NEURL4: variants seen among roughly 807,000 people sequenced by gnomAD.
The protein encoded by NEURL4 is neuralized E3 ubiquitin protein ligase 4.
A neutral mutation model predicts 148.0 loss-of-function variants in NEURL4; 45 were observed. The ratio of observed to expected loss-of-function variants is 0.30; its 90% confidence interval spans 0.24 to 0.39. The LOEUF (loss-of-function observed/expected upper bound fraction) is 0.39, where lower values mean the gene tolerates loss of function less well. Ranked by LOEUF, NEURL4 falls within the 10% of genes least tolerant of loss-of-function variation. The pLI is 1.00. For missense variants in NEURL4, 1,776 were observed against 2,144.0 expected, an observed-to-expected ratio of 0.83 and a Z score of 3.39; for synonymous variants, 854 against 869.0, an observed-to-expected ratio of 0.98 and a Z score of 0.30.
Position 7,322,852 on chromosome 17 carries a change from C to G in NEURL4, c.2608G>C (p.Val870Leu), listed in dbSNP as rs752645820. The G allele has an allele frequency of 6.2e-7, 1 of 1,613,988 alleles. No homozygotes were observed. The highest frequency in any genetic ancestry group is 1.7e-5 in the Admixed American group (1 of 60,016). The part of the protein sequence containing the change: ...LPPGKEVYAV[V>L]DLYGQCVQVS... Reference sequence around the variant, plus strand: ...TGGACACACTGGCCATAGAGATCGACTACCGCATACACCTCTGGGGAGGAG... The same window carrying G: ...TGGACACACTGGCCATAGAGATCGAGTACCGCATACACCTCTGGGGAGGAG... Residue 870 changes from valine to leucine, a missense_variant, in exon 16 of 29, where the codon GTC (valine) becomes CTC (leucine). Transcript: ENST00000399464. The surrounding 1 kb of genome is among the most constrained non-coding windows in gnomAD (Gnocchi z 5.5).
intron 14 of NEURL4, 143 bp from the exon 15 acceptor site, chr17:7,323,266 TCCCTGGGATC>T: frequency 1.0e-6 from 1 of 988,482 alleles, no homozygotes; most frequent in Admixed American, 2.3e-5. Context: ...ATCTCCTCTG[TCCCTGGGATC>T]CCCTTAGGAA....
In NEURL4 at chr17:7,322,660, C is replaced by G; in HGVS notation, c.2725+75G>C. On this transcript the variant is annotated intron_variant, in intron 16 of 28. Coordinates refer to ENST00000399464, the MANE Select transcript of NEURL4 (RefSeq NM_032442.3). The surrounding 1 kb of genome is among the most constrained non-coding windows in gnomAD (Gnocchi z 5.5). ...AGCCAACCGTCTTTGCAGAACCTCTCTAACCTGGAAACCCTACTCCTCAGG... is the reference window on the plus strand; with the variant it reads ...AGCCAACCGTCTTTGCAGAACCTCTGTAACCTGGAAACCCTACTCCTCAGG... 1 of 1,566,334 alleles carries G rather than the reference C, an allele frequency of 6.4e-7. No homozygotes were observed. The highest frequency in any genetic ancestry group is 8.7e-7 in the Non-Finnish European group (1 of 1,155,660).
rs750746745 is a variant in NEURL4 at position 7,327,422 on chromosome 17, C to T, written c.727+18G>A. 6.5e-6 allele frequency: 10 copies of T among 1,541,744 alleles called. No individual in the cohort carries two copies. The highest frequency in any genetic ancestry group is 1.9e-5 in the Admixed American group (1 of 52,466). Reference sequence around the variant, plus strand: ...TTCCGTCCCCACCCCACCACCACTGCCCTAGCTGTGTTCTCACCTTCATCT... The same window carrying T: ...TTCCGTCCCCACCCCACCACCACTGTCCTAGCTGTGTTCTCACCTTCATCT... On this transcript the variant is annotated intron_variant, in intron 2 of 28. Coordinates refer to ENST00000399464, the MANE Select transcript of NEURL4 (RefSeq NM_032442.3). The surrounding 1 kb of genome is among the most constrained non-coding windows in gnomAD (Gnocchi z 6.6).
chr17:7,315,992 T>C lies in NEURL4; in HGVS notation c.*131A>G. On this transcript the variant is annotated 3_prime_UTR_variant, in exon 29 of 29. Transcript: ENST00000399464. ...ACCTACATCTGAGAGCCTGCCTACA[T>C]GCTCCTGCGCGGCTGCCAAGCTCCA... is the stretch of plus-strand genomic sequence containing the variant. 1.5e-6 allele frequency: 1 copy of C among 661,492 alleles called. No homozygotes were observed. The highest frequency in any genetic ancestry group is 2.6e-5 in the East Asian group (1 of 38,078). 41.0% of individuals were successfully genotyped at this position (661,492 alleles called of 1,614,324 possible). A position where few individuals can be genotyped will look rare whatever the true frequency, so the allele number is the denominator to read the frequency against.
chr17:7,317,521 A>G lies in NEURL4; in HGVS notation c.4258T>C (p.Tyr1420His). The change falls in exon 27 of 29, where the codon TAT becomes CAT. Residue 1420 changes from tyrosine (Y) to histidine (H), a missense_variant. By Grantham distance (83) the Tyr-to-His change is moderately conservative (BLOSUM62 2). Coordinates refer to ENST00000399464, the MANE Select transcript of NEURL4 (RefSeq NM_032442.3). ...ACAGCGGCAACATTGCTCCCGTGAT[A>G]TGCCATGTGCCACTTCTTGGTTAGT... ...GTLTKKWHMA[Y>H]HGSNVAAVRR... 6.2e-7 allele frequency: 1 copy of G among 1,614,140 alleles called. No homozygotes were observed. Among genetic ancestry groups the G allele is most frequent in the Non-Finnish European group, 8.5e-7 (1 of 1,180,024 alleles).
rs374281551 is a variant in NEURL4, at chr17:7,319,374, CTTTTTTTT to C, written c.3526-174_3526-167del. Among the ~76,000 whole-genome samples the C allele has an allele frequency of 2.1e-4, 24 of 113,930 alleles. No individual in the cohort carries two copies. The East Asian group carries it at 3.9e-3, about 18-fold the overall frequency. 74.7% of individuals were successfully genotyped at this position (113,930 alleles called of 152,430 possible). A position where few individuals can be genotyped will look rare whatever the true frequency, so the allele number is the denominator to read the frequency against. ...CGCTAATTTAGTTGTTTCTTTCCCT[CTTTTTTTT>C]TTTTTTTTTTTTTTTTTTTTTAAAA... On this transcript the variant is annotated intron_variant, in intron 21 of 28. Transcript: ENST00000399464.
chr17:7,324,259 C>T lies in NEURL4; in HGVS notation c.1911G>A (p.Thr637=), dbSNP rs1460370455. The stretch of plus-strand genomic sequence containing the variant: ...CGTCCTCCCGCCGTACCACGCCCAC[C>T]GTGTCCCCTGCCTTGGAAGAAGGGG... ...HNLDRLKAGD[T]VGVVRREDGT... The change falls in exon 11 of 29, where the codon ACG becomes ACA. Residue 637 remains threonine (T), a synonymous_variant. Transcript: ENST00000399464. This position sits in a 1 kb window ranked among gnomAD's most constrained non-coding sequence, Gnocchi z 5.9. 14 of 1,614,006 alleles carry T rather than the reference C, an allele frequency of 8.7e-6. No individual in the cohort carries two copies. The highest frequency in any genetic ancestry group is 3.3e-5 in the Admixed American group (2 of 60,028).
chr17:7,325,001 G>A, intron 8 of NEURL4, 21 bp from the exon 9 acceptor site: 3 of 1,613,150 alleles, frequency 1.9e-6, no homozygotes, highest in Non-Finnish European at 1.7e-6. Context: ...AGCAAGTGGA[G>A]AGTCAGATCC....
At position 7,322,692 on chromosome 17, in the gene NEURL4, G is replaced by C. The variant is rs1423701892; in HGVS notation, c.2725+43C>G. The stretch of plus-strand genomic sequence containing the variant: ...GGAAACCCTACTCCTCAGGTGCACA[G>C]CAGGCAAGCAGAGCCCGTCCAGCCC... On this transcript the variant is annotated intron_variant, in intron 16 of 28. Transcript: ENST00000399464. This position sits in a 1 kb window ranked among gnomAD's most constrained non-coding sequence, Gnocchi z 5.5. 1 of 1,597,634 alleles carries C rather than the reference G, an allele frequency of 6.3e-7. No individual in the cohort carries two copies. The highest frequency in any genetic ancestry group is 1.3e-5 in the African/African-American group (1 of 74,846).
chr17:7,326,186 C>A lies in NEURL4; in HGVS notation c.1293+69G>T. 1 of 1,447,154 alleles carries A rather than the reference C, an allele frequency of 6.9e-7. No homozygotes were observed. Among genetic ancestry groups the A allele is most frequent in the Non-Finnish European group, 9.6e-7 (1 of 1,041,020 alleles). 89.6% of individuals were successfully genotyped at this position (1,447,154 alleles called of 1,614,324 possible). ...GTCACATAGGAGACCCTGCTTGGTGCCCTGGCAGGGACACAGAGTACCTGT... is the reference window on the plus strand; with the variant it reads ...GTCACATAGGAGACCCTGCTTGGTGACCTGGCAGGGACACAGAGTACCTGT... On this transcript the variant is annotated intron_variant, in intron 6 of 28. Transcript: ENST00000399464. The surrounding 1 kb of genome is among the most constrained non-coding windows in gnomAD (Gnocchi z 6.0).
chr17:7,327,832 C>A lies in NEURL4; in HGVS notation c.335G>T (p.Ser112Ile). 2 of 1,613,736 alleles carry A rather than the reference C, an allele frequency of 1.2e-6. No homozygotes were observed. The highest frequency in any genetic ancestry group is 8.5e-7 in the Non-Finnish European group (1 of 1,179,976). ...GGCACTGCTTGGAAAGTCCAGCACA[C>A]TGGGGTCCAGCGCTGTCACCCCAAT... The part of the protein sequence containing the change: ...IEIGVTALDP[S>I]VLDFPSSATG... Residue 112 changes from serine (S) to isoleucine (I), a missense_variant, in exon 2 of 29, where the codon AGT becomes ATT. Physicochemically the swap from Ser to Ile is moderately radical, Grantham distance 142. Coordinates refer to ENST00000399464, the MANE Select transcript of NEURL4 (RefSeq NM_032442.3). The surrounding 1 kb of genome is among the most constrained non-coding windows in gnomAD (Gnocchi z 6.6).
At position 7,320,935 on chromosome 17, in the gene NEURL4, G is replaced by A. The variant is rs373489491; in HGVS notation, c.3361-12C>T. The stretch of plus-strand genomic sequence containing the variant: ...ACTTCATTCTGGCCCTGGTGTGGAG[G>A]AAGGGACTGAGCTGCATGGGTTGCC... On this transcript the variant is annotated splice_polypyrimidine_tract_variant and intron_variant, in intron 20 of 28. Transcript: ENST00000399464. 1.9e-6 allele frequency: 3 copies of A among 1,613,620 alleles called. No homozygotes were observed. The African/African-American group carries it at 4.0e-5, about 22-fold the overall frequency.
In NEURL4 at chr17:7,317,530, G is replaced by T. The variant is rs1254969232; in HGVS notation, c.4249C>A (p.His1417Asn). 1.2e-6 allele frequency: 2 copies of T among 1,614,168 alleles called. No individual in the cohort carries two copies. Among genetic ancestry groups the T allele is most frequent in the Non-Finnish European group, 1.7e-6 (2 of 1,180,020 alleles). The change falls in exon 27 of 29, where the codon CAC (histidine) becomes AAC (asparagine). Residue 1417 changes from histidine (H) to asparagine (N), a missense_variant. Coordinates refer to ENST00000399464, the MANE Select transcript of NEURL4 (RefSeq NM_032442.3). ...ACATTGCTCCCGTGATATGCCATGT[G>T]CCACTTCTTGGTTAGTGTCCCAGCC... ...LEAGTLTKKW[H>N]MAYHGSNVAA...
chr17:7,322,120 C>G lies in NEURL4; in HGVS notation c.2726-110G>C, dbSNP rs564623843. On this transcript the variant is annotated intron_variant, in intron 16 of 28. Coordinates refer to ENST00000399464, the MANE Select transcript of NEURL4 (RefSeq NM_032442.3). This position sits in a 1 kb window ranked among gnomAD's most constrained non-coding sequence, Gnocchi z 5.5. ...CGAAATGGGGATGCCAACGCCCCAT[C>G]TGCCATCTGCCATTACACCTCAGGG... 8.3e-6 allele frequency: 10 copies of G among 1,206,112 alleles called. No homozygotes were observed. In the South Asian group the frequency reaches 8.8e-5, roughly 11 times the overall value. 74.7% of individuals were successfully genotyped at this position (1,206,112 alleles called of 1,614,324 possible).
At position 7,324,049 on chromosome 17, in the gene NEURL4, G is replaced by A; in HGVS notation, c.2063-37C>T. 1.2e-6 allele frequency: 2 copies of A among 1,608,714 alleles called. No homozygotes were observed. The highest frequency in any genetic ancestry group is 1.1e-5 in the South Asian group (1 of 91,074). On this transcript the variant is annotated intron_variant, in intron 11 of 28. Coordinates refer to ENST00000399464, the MANE Select transcript of NEURL4 (RefSeq NM_032442.3). The surrounding 1 kb of genome is among the most constrained non-coding windows in gnomAD (Gnocchi z 5.9). ...GACATCACCCATCAGGTCTCTAGGT[G>A]TCTCTCAGACCTCCCAAGGCCACCC... is the stretch of plus-strand genomic sequence containing the variant.
rs768791304 is a variant in NEURL4, at chr17:7,317,266, G to A, written c.4423C>T (p.Pro1475Ser). ...TGAAGGGAGGGGGAAAGCAGCACAGGAGGGGGCTGCTCCTCCCGAGGAGGT... is the reference window on the plus strand; with the variant it reads ...TGAAGGGAGGGGGAAAGCAGCACAGAAGGGGGCTGCTCCTCCCGAGGAGGT... ...CAPPREEQPP[P>S]VLLSPSLQYA... The change falls in exon 28 of 29, where the codon CCT (proline) becomes TCT (serine). Residue 1475 changes from proline to serine, a missense_variant. Coordinates refer to ENST00000399464, the MANE Select transcript of NEURL4 (RefSeq NM_032442.3). 4 of 1,525,606 alleles carry A rather than the reference G, an allele frequency of 2.6e-6. No homozygotes were observed. In the East Asian group the frequency reaches 6.8e-5, roughly 26 times the overall value. The allele number at this position is 1,525,606 out of a possible 1,614,324, so 94.5% of individuals were successfully genotyped here.
At position 7,327,852 on chromosome 17, in the gene NEURL4, C is replaced by T. The variant is rs1193181871; in HGVS notation, c.315G>A (p.Gly105=). 1.2e-6 allele frequency: 2 copies of T among 1,612,966 alleles called. No individual in the cohort carries two copies. The highest frequency in any genetic ancestry group is 1.7e-6 in the Non-Finnish European group (2 of 1,179,700). ...GCACACTGGGGTCCAGCGCTGTCACCCCAATCTCAATGGAGCCGCTCCAGG... is the reference window on the plus strand; with the variant it reads ...GCACACTGGGGTCCAGCGCTGTCACTCCAATCTCAATGGAGCCGCTCCAGG... ...VNSWSGSIEI[G]VTALDPSVLD... Residue 105 remains glycine, a synonymous_variant, in exon 2 of 29, where the codon GGG becomes GGA. Transcript: ENST00000399464. The surrounding 1 kb of genome is among the most constrained non-coding windows in gnomAD (Gnocchi z 6.6).
At chr17:7,317,638 C>G in intron 26 of NEURL4, 65 bp from the exon 27 acceptor site, 4 of 1,565,210 alleles carry the variant, frequency 2.6e-6, no homozygotes, top group Non-Finnish European at 3.5e-6. Context: ...AGGAGCTTCA[C>G]GAGGCTCTTC....
At position 7,317,287 on chromosome 17, in the gene NEURL4, G is replaced by A; in HGVS notation, c.4402C>T (p.Pro1468Ser). Residue 1468 changes from proline (P) to serine (S), a missense_variant, in exon 28 of 29, where the codon CCT (proline) becomes TCT (serine). Pro to Ser is a moderately conservative substitution (Grantham distance 74). Transcript: ENST00000399464. ...ACAGGAGGGGGCTGCTCCTCCCGAGGAGGTGCACAGTTCTCGCCAGGCTCC... is the reference window on the plus strand; with the variant it reads ...ACAGGAGGGGGCTGCTCCTCCCGAGAAGGTGCACAGTTCTCGCCAGGCTCC... The part of the protein sequence containing the change: ...FEEPGENCAP[P>S]REEQPPPVLL... 2 of 1,527,728 alleles carry A rather than the reference G, an allele frequency of 1.3e-6. No homozygotes were observed. The allele number at this position is 1,527,728 out of a possible 1,614,324, so 94.6% of individuals were successfully genotyped here. A position where few individuals can be genotyped will look rare whatever the true frequency, so the allele number is the denominator to read the frequency against.
Sources: allele counts gnomAD v4.1 joint callset (sites outside exome capture counted in the v4.1 genomes callset), GRCh38; gene constraint gnomAD v4.1.1; non-coding constraint Gnocchi (gnomAD v3.1); transcripts MANE v1.5; gene names NCBI Gene and HGNC (gene_info 2026-07-23, HGNC 2026-07-21).